FBN1: variants seen among roughly 807,000 people sequenced by gnomAD.
The protein encoded by FBN1 is fibrillin 1.
In FBN1, 29 loss-of-function variants were observed where a neutral mutation model predicts 365.1. The ratio of observed to expected loss-of-function variants is 0.08; its 90% CI spans 0.06 to 0.11. The LOEUF (loss-of-function observed/expected upper bound fraction) is 0.11, where lower values mean the gene tolerates loss of function less well. FBN1 is among the 10% of genes least tolerant of loss of function. The probability of loss-of-function intolerance (pLI) is 1.00; values close to 1 mark genes in which losing one functional copy is unlikely to be tolerated. For missense variants in FBN1, 2,476 were observed against 3,703.2 expected (o/e 0.67, Z 8.60); for synonymous variants, 1,210 against 1,270.5 (o/e 0.95, Z 1.01).
At position 48,468,070 on chromosome 15, in the gene FBN1, G is replaced by A. The variant is rs111231312; in HGVS notation, c.4615C>T (p.Arg1539Ter). 1 of 1,614,056 alleles carries A rather than the reference G, an allele frequency of 6.2e-7. No individual in the cohort carries two copies. The highest frequency in any genetic ancestry group is 1.1e-5 in the South Asian group (1 of 91,076). Residue 1539 changes from arginine (R) to a stop codon, truncating the protein, a stop_gained, in exon 38 of 66, where the codon CGA (arginine) becomes TGA (stop). Transcript: ENST00000316623. LOFTEE classifies it high-confidence loss of function. ...GTATCTCCATTGTCTCCTCGAGGTC[G>A]AATATCCAAATAGCAATTTCCAGAG... ...TRSGNCYLDI[R>*]PRGDNGDTAC...
At position 48,503,822 on chromosome 15, in the gene FBN1, C is replaced by T. The variant is rs771202007; in HGVS notation, c.2078G>A (p.Gly693Glu). The T allele has an allele frequency of 6.2e-7, 1 of 1,614,114 alleles. No individual in the cohort carries two copies. Among genetic ancestry groups the T allele is most frequent in the South Asian group, 1.1e-5 (1 of 91,074 alleles). ...TGCAGGACACGGCTGGCAAGGTTCC[C>T]CAAATGCATACTCAGTGCTGGCGCA... ...CCCASTEYAF[G>E]EPCQPCPAQN... Residue 693 changes from glycine (G) to glutamate (E), a missense_variant, in exon 17 of 66, where the codon GGG (glycine) becomes GAG (glutamate). By Grantham distance (98) the Gly-to-Glu change is moderately conservative. This residue lies in a region of FBN1 where 1,780 missense variants were observed against 2,840.8 expected (regional missense o/e 0.63). Transcript: ENST00000316623.
At chr15:48,608,869 A>G (rs913962318) in intron 4 of FBN1, among the ~76,000 whole-genome samples, 1 of 152,142 alleles carries the variant, frequency 6.6e-6, no homozygotes, top group African/African-American at 2.4e-5. Flanking sequence ...TCCTGTCTCC[A>G]CATCTCATGA....
chr15:48,470,553 T>A, intron 36 of FBN1, 81 bp downstream of exon 36: 2 of 1,593,038 alleles, frequency 1.3e-6, no homozygotes, highest in Non-Finnish European at 8.6e-7. Flanking sequence ...GTGACGGCCC[T>A]TGTGTAGTCC....
intron 2 of FBN1, among the ~76,000 whole-genome samples, chr15:48,630,069 G>C (rs1235204888): frequency 6.6e-6 from 1 of 152,176 alleles, no homozygotes; most frequent in Non-Finnish European, 1.5e-5. Context: ...AAGAATCCAA[G>C]AACAAATGAC....
intron 60 of FBN1, among the ~76,000 whole-genome samples, chr15:48,423,207 CTT>C (rs1566892160): frequency 6.6e-6 from 1 of 152,174 alleles, no homozygotes; most frequent in African/African-American, 2.4e-5. Context: ...ACATTAGTGA[CTT>C]TATTTTATCA....
intron 2 of FBN1, 109 bp downstream of exon 2, chr15:48,644,497 C>T: frequency 1.3e-6 from 2 of 1,512,584 alleles, no homozygotes; most frequent in South Asian, 1.1e-5. Flanking sequence ...CTAAGGTGCC[C>T]CCAGGAGGTC....
intron 30 of FBN1, among the ~76,000 whole-genome samples, chr15:48,484,738 T>C (rs988846889): frequency 6.6e-6 from 1 of 152,180 alleles, no homozygotes; most frequent in Non-Finnish European, 1.5e-5. Flanking sequence ...TCTAGGTCAG[T>C]AAAATAATTT....
chr15:48,520,943 C>T, intron 9 of FBN1, 126 bp from the exon 10 acceptor site: 2 of 1,289,890 alleles, frequency 1.6e-6, no homozygotes, highest in Non-Finnish European at 2.2e-6. Context: ...CACCTCTGCC[C>T]CCCGGAAGGG....
intron 2 of FBN1, among the ~76,000 whole-genome samples, chr15:48,613,857 G>A (rs2044675803): frequency 6.6e-6 from 1 of 152,178 alleles, no homozygotes; most frequent in African/African-American, 2.4e-5. Context: ...GAATCTGGGA[G>A]GCAGAGGCTG....
rs370276310 is a variant in FBN1, at chr15:48,455,765, A to G, written c.5422+872T>C. On this transcript the variant is annotated intron_variant, in intron 44 of 65. Coordinates refer to ENST00000316623, the MANE Select transcript of FBN1 (RefSeq NM_000138.5). ...AGTAACTGAAAGCCTGGTGACAGGA[A>G]CTTAACAAGTATGTGGTTAGGACTA... Among the ~76,000 whole-genome samples, 4 of 152,364 alleles carry G rather than the reference A, an allele frequency of 2.6e-5. No individual in the cohort carries two copies. In the East Asian group the frequency reaches 7.7e-4, roughly 29 times the overall value.
intron 2 of FBN1, among the ~76,000 whole-genome samples, chr15:48,616,730 A>G (rs1889661160): frequency 6.6e-6 from 1 of 152,006 alleles, no homozygotes; most frequent in Non-Finnish European, 1.5e-5. Flanking sequence ...CATCACTCCA[A>G]CACACACACA....
chr15:48,602,186 T>C (rs2044572900), intron 4 of FBN1, among the ~76,000 whole-genome samples: 1 of 152,088 alleles, frequency 6.6e-6, no homozygotes, highest in Non-Finnish European at 1.5e-5. Flanking sequence ...CCTATCTATC[T>C]CCAAAACCCA....
chr15:48,601,900 A>G lies in FBN1; in HGVS notation c.347-1666T>C, dbSNP rs1302270838. On this transcript the variant is annotated intron_variant, in intron 4 of 65. Coordinates refer to ENST00000316623, the MANE Select transcript of FBN1 (RefSeq NM_000138.5). ...ACTAGAGCCACCTCCATCTCTCCACATTCACGGTCCCCTCAGCATGGCCCC... is the reference window on the plus strand; with the variant it reads ...ACTAGAGCCACCTCCATCTCTCCACGTTCACGGTCCCCTCAGCATGGCCCC... Among the ~76,000 whole-genome samples the G allele has an allele frequency of 3.9e-5, 6 of 152,248 alleles. No individual in the cohort carries two copies. The East Asian group carries it at 9.7e-4, about 24-fold the overall frequency.
rs369475895 is a variant in FBN1, at chr15:48,494,268, C to G, written c.2678-14G>C. ...CACATATGGGATCTGTAATAAAAAG[C>G]GAAAAACAAAACAGAAAACAAATTT... On this transcript the variant is annotated splice_polypyrimidine_tract_variant and intron_variant, in intron 22 of 65. Transcript: ENST00000316623. The G allele has an allele frequency of 6.2e-7, 1 of 1,609,170 alleles. No individual in the cohort carries two copies. Among genetic ancestry groups the G allele is most frequent in the East Asian group, 2.2e-5 (1 of 44,816 alleles).
chr15:48,528,994 T>A (rs575397849), intron 8 of FBN1: 5 of 152,318 alleles, frequency 3.3e-5, no homozygotes, highest in Admixed American at 2.0e-4. Flanking sequence ...TTCATATGAA[T>A]TTATTATTTC....
In FBN1 at chr15:48,411,296, G is replaced by A. The variant is rs112189340; in HGVS notation, c.8310C>T (p.His2770=). The A allele has an allele frequency of 1.7e-4, 276 of 1,614,008 alleles. 1 individual carries two copies. The Middle Eastern group carries it at 1.8e-3, about 11-fold the overall frequency. The change falls in exon 66 of 66, where the codon CAC becomes CAT. Residue 2770 remains histidine (H), a synonymous_variant. Coordinates refer to ENST00000316623, the MANE Select transcript of FBN1 (RefSeq NM_000138.5). Reference sequence around the variant, plus strand: ...CTAGGATTCGAACCTTGTTACTGACGTGGGAAATATTGAAAGCAAAGATGG... The same window carrying A: ...CTAGGATTCGAACCTTGTTACTGACATGGGAAATATTGAAAGCAAAGATGG... ...KTAIFAFNIS[H]VSNKVRILEL... is the part of the protein sequence containing the mutation.
At chr15:48,413,994 C>T (rs111691957) in intron 64 of FBN1, among the ~76,000 whole-genome samples, 3 of 152,156 alleles carry the variant, frequency 2.0e-5, no homozygotes, top group East Asian at 1.9e-4. Context: ...TGGGTGTGTG[C>T]GCATGCGTAT....
intron 50 of FBN1, among the ~76,000 whole-genome samples, chr15:48,441,382 A>C (rs2043113561): frequency 6.6e-6 from 1 of 152,128 alleles, no homozygotes; most frequent in African/African-American, 2.4e-5. Context: ...TTATCTCTTC[A>C]GAGGTAGGGG....
intron 6 of FBN1, among the ~76,000 whole-genome samples, chr15:48,564,558 A>G (rs2044246364): frequency 6.6e-6 from 1 of 151,638 alleles, no homozygotes; most frequent in Non-Finnish European, 1.5e-5. Context: ...CTTATTGTCT[A>G]TTAATATAAA....
Sources: allele counts gnomAD v4.1 joint callset (sites outside exome capture counted in the v4.1 genomes callset), GRCh38; gene constraint gnomAD v4.1.1; regional missense constraint gnomAD v4.1.1; transcripts MANE v1.5; gene names NCBI Gene and HGNC (gene_info 2026-07-23, HGNC 2026-07-21).